The following GLIS3 variants were observed in gnomAD, a reference collection of about 807,000 sequenced individuals.
GLIS3 encodes the protein GLIS family zinc finger 3.
A neutral mutation model predicts 78.6 loss-of-function variants in GLIS3; 53 were observed. The ratio of observed to expected loss-of-function variants is 0.67; its 90% confidence interval spans 0.54 to 0.85. The LOEUF (loss-of-function observed/expected upper bound fraction) is 0.85, where lower values mean the gene tolerates loss of function less well. GLIS3 is among the 40% of genes least tolerant of loss of function. The pLI is 0.00. For missense variants in GLIS3, 1,703 were observed against 1,231.1 expected (o/e 1.38, Z -5.74); for synonymous variants, 684 against 509.9 (o/e 1.34, Z -4.60).
the GLIS3 span, among the ~76,000 whole-genome samples, chr9:4,414,144 AAC>A: frequency 6.6e-6 from 1 of 152,334 alleles, no homozygotes; most frequent in East Asian, 1.9e-4. Flanking sequence ...ATATGAAAGT[AAC>A]ACAAAAGGGT....
chr9:4,103,565 CA>C (rs1830536112), intron 4 of GLIS3, among the ~76,000 whole-genome samples: 1 of 152,118 alleles, frequency 6.6e-6, no homozygotes, highest in Admixed American at 6.5e-5. Context: ...ACACAATGAC[CA>C]AGAAGTCTTC....
chr9:4,122,992 T>C (rs977795260), intron 3 of GLIS3, among the ~76,000 whole-genome samples: 2 of 152,134 alleles, frequency 1.3e-5, no homozygotes, highest in Non-Finnish European at 2.9e-5. Flanking sequence ...TAGGCAAATA[T>C]ATAGCCTTAA....
In GLIS3 at chr9:3,827,818, G is replaced by C; in HGVS notation, c.*454C>G. 4.1e-6 allele frequency: 1 copy of C among 243,496 alleles called. No homozygotes were observed. Among genetic ancestry groups the C allele is most frequent in the South Asian group, 5.9e-5 (1 of 16,982 alleles). 15.1% of individuals were successfully genotyped at this position (243,496 alleles called of 1,614,324 possible). A position where few individuals can be genotyped will look rare whatever the true frequency, so the allele number is the denominator to read the frequency against. ...TTTGGACATGGATTTCCCTTGTTGT[G>C]CCTGGCTTTGCATCAGGAGCAGCAA... On this transcript the variant is annotated 3_prime_UTR_variant, in exon 11 of 11. Transcript: ENST00000381971.
chr9:4,461,586 T>C, the GLIS3 span, among the ~76,000 whole-genome samples: 7 of 152,194 alleles, frequency 4.6e-5, no homozygotes, highest in Non-Finnish European at 8.8e-5. Context: ...CCAAAATCCT[T>C]CCTCTGGGAG....
At chr9:4,174,286 A>G (rs1026016995) in intron 2 of GLIS3, among the ~76,000 whole-genome samples, 2 of 152,232 alleles carry the variant, frequency 1.3e-5, no homozygotes, top group East Asian at 3.9e-4. Context: ...ATACCTACTT[A>G]AAACATAACC....
At chr9:4,123,318 G>A (rs1409968921) in intron 3 of GLIS3, among the ~76,000 whole-genome samples, 1 of 152,052 alleles carries the variant, frequency 6.6e-6, no homozygotes, top group African/African-American at 2.4e-5. Context: ...TTGGACTGCT[G>A]GTTAGTTTAT....
At chr9:4,402,322 C>T in the GLIS3 span, among the ~76,000 whole-genome samples, 19 of 152,212 alleles carry the variant, frequency 1.2e-4, no homozygotes, top group African/African-American at 3.9e-4. Context: ...CCAAGTCCTT[C>T]GAATACCTGG....
intron 2 of GLIS3, among the ~76,000 whole-genome samples, chr9:4,186,235 G>A (rs956691996): frequency 6.8e-6 from 1 of 147,470 alleles, no homozygotes; most frequent in East Asian, 2.0e-4. Flanking sequence ...ACCTATGAGT[G>A]AGAACATGCA....
chr9:4,101,131 C>G (rs1830340318), intron 4 of GLIS3, among the ~76,000 whole-genome samples: 1 of 152,198 alleles, frequency 6.6e-6, no homozygotes. Flanking sequence ...CAACCCAGTA[C>G]TTACTGGTGT....
At chr9:4,188,278 G>C (rs574563854) in intron 2 of GLIS3, among the ~76,000 whole-genome samples, 1 of 148,756 alleles carries the variant, frequency 6.7e-6, no homozygotes, top group Non-Finnish European at 1.5e-5. Context: ...TCTTTGGTTC[G>C]TTTATATGCT....
chr9:4,300,208 T>TCACA (rs35733770), upstream of GLIS3, among the ~76,000 whole-genome samples: 3,303 of 142,984 alleles, frequency 0.023, 74 homozygotes, highest in African/African-American at 0.058. Context: ...CTTGACGCAT[T>TCACA]CACACACACA....
the GLIS3 span, among the ~76,000 whole-genome samples, chr9:4,463,659 A>C: frequency 6.6e-6 from 1 of 152,220 alleles, no homozygotes. Context: ...TGGGAAGTAC[A>C]AGAAAGTGAA....
intron 4 of GLIS3, among the ~76,000 whole-genome samples, chr9:4,010,141 C>A (rs1289027578): frequency 6.6e-6 from 1 of 151,970 alleles, no homozygotes; most frequent in Non-Finnish European, 1.5e-5. Flanking sequence ...GGGGTGAGGG[C>A]AGGGGTAACA....
chr9:4,270,450 A>C (rs144340088), intron 2 of GLIS3, among the ~76,000 whole-genome samples: 196 of 152,248 alleles, frequency 1.3e-3, no homozygotes, highest in African/African-American at 4.4e-3. Context: ...CTAGGATGTA[A>C]TTGAGTTGTC....
At chr9:4,430,135 A>C in the GLIS3 span, among the ~76,000 whole-genome samples, 1 of 152,204 alleles carries the variant, frequency 6.6e-6, no homozygotes, top group Admixed American at 6.5e-5. Flanking sequence ...ATGTCAGAAA[A>C]GTAATGTAAA....
chr9:4,113,649 C>A (rs898077400), intron 4 of GLIS3, among the ~76,000 whole-genome samples: 1 of 152,162 alleles, frequency 6.6e-6, no homozygotes, highest in Admixed American at 6.5e-5. Flanking sequence ...AAAGGCCTTC[C>A]ACAGCTTACA....
intron 4 of GLIS3, among the ~76,000 whole-genome samples, chr9:4,114,222 CACTT>C (rs1208454271): frequency 1.3e-5 from 2 of 152,146 alleles, no homozygotes; most frequent in Non-Finnish European, 2.9e-5. Context: ...ATTCAGAACA[CACTT>C]ACTGGGCACC....
chr9:4,154,620 C>A (rs1834918025), intron 2 of GLIS3, among the ~76,000 whole-genome samples: 1 of 122,416 alleles, frequency 8.2e-6, no homozygotes, highest in Non-Finnish European at 1.7e-5. Context: ...GATAAACATT[C>A]ATGTAGGGGG....
At chr9:4,019,092 C>A (rs925778997) in intron 4 of GLIS3, among the ~76,000 whole-genome samples, 1 of 152,136 alleles carries the variant, frequency 6.6e-6, no homozygotes, top group Admixed American at 6.5e-5. Context: ...AACACTAGTT[C>A]AATCCATTTG....
Sources: allele counts gnomAD v4.1 joint callset (sites outside exome capture counted in the v4.1 genomes callset), GRCh38; gene constraint gnomAD v4.1.1; transcripts MANE v1.5; gene names NCBI Gene and HGNC (gene_info 2026-07-23, HGNC 2026-07-21).